TGFA: variants seen among roughly 807,000 people sequenced by gnomAD.
The protein encoded by TGFA is protransforming growth factor alpha.
A neutral mutation model predicts 21.7 loss-of-function variants in TGFA; 12 were observed. The ratio of observed to expected loss-of-function variants is 0.55; its 90% CI spans 0.35 to 0.90. The LOEUF is 0.90. Ranked by LOEUF, TGFA falls within the 40% of genes least tolerant of loss-of-function variation. TGFA has a pLI of 0.01. For missense variants in TGFA, 178 were observed against 210.8 expected, an observed-to-expected ratio of 0.84 and a Z score of 0.96; for synonymous variants, 79 against 88.1, an observed-to-expected ratio of 0.90 and a Z score of 0.58.
At chr2:70,532,934 C>T (rs1672857598) in intron 1 of TGFA, among the ~76,000 whole-genome samples, 1 of 151,622 alleles carries the variant, frequency 6.6e-6, no homozygotes, top group African/African-American at 2.4e-5. Context: ...AATCACTGCT[C>T]ACTGCAGCCT....
intron 2 of TGFA, among the ~76,000 whole-genome samples, chr2:70,466,983 A>G (rs1419150306): frequency 2.6e-5 from 4 of 152,028 alleles, no homozygotes; most frequent in African/African-American, 4.8e-5. Context: ...AGCTGAACAA[A>G]GAGAACACGT....
chr2:70,471,118 A>C (rs3771509), intron 2 of TGFA, among the ~76,000 whole-genome samples: 38,714 of 109,316 alleles, frequency 0.35, 5,722 homozygotes, highest in East Asian at 0.45. Flanking sequence ...CACCCCCCCC[A>C]CCATATAACC....
At chr2:70,498,977 A>C (rs1373113788) in intron 2 of TGFA, among the ~76,000 whole-genome samples, 4 of 152,036 alleles carry the variant, frequency 2.6e-5, no homozygotes, top group Non-Finnish European at 5.9e-5. Context: ...CAGGCCCTGT[A>C]AATTAGAATC....
chr2:70,517,747 G>C (rs976283113), intron 1 of TGFA, among the ~76,000 whole-genome samples: 1 of 152,232 alleles, frequency 6.6e-6, no homozygotes, highest in Non-Finnish European at 1.5e-5. Flanking sequence ...TGACACAGGT[G>C]TGTATTCAGC....
intron 2 of TGFA, among the ~76,000 whole-genome samples, chr2:70,486,529 G>A (rs1276599810): frequency 6.6e-6 from 1 of 152,098 alleles, no homozygotes; most frequent in Non-Finnish European, 1.5e-5. Flanking sequence ...TCAGGCTGGA[G>A]TGCAGTGAGG....
intron 2 of TGFA, among the ~76,000 whole-genome samples, chr2:70,471,280 G>T (rs553276834): frequency 6.6e-6 from 1 of 152,322 alleles, no homozygotes; most frequent in African/African-American, 2.4e-5. Context: ...GCTTGTCACA[G>T]GTTTTCTGAT....
intron 2 of TGFA, among the ~76,000 whole-genome samples, chr2:70,508,392 C>T (rs1671995236): frequency 6.6e-6 from 1 of 152,152 alleles, no homozygotes; most frequent in South Asian, 2.1e-4. Context: ...TTGCAGTGAG[C>T]CAAGATTGCA....
At chr2:70,545,741 G>C (rs1034157524) in intron 1 of TGFA, among the ~76,000 whole-genome samples, 2 of 152,132 alleles carry the variant, frequency 1.3e-5, no homozygotes, top group Non-Finnish European at 2.9e-5. Context: ...AATGGGGAAA[G>C]ATGCATAGTT....
At chr2:70,535,252 A>G (rs1297488268) in intron 1 of TGFA, among the ~76,000 whole-genome samples, 6 of 152,150 alleles carry the variant, frequency 3.9e-5, no homozygotes, top group African/African-American at 1.4e-4. Flanking sequence ...CCATATTGTA[A>G]AAAACTGTGT....
chr2:70,456,294 G>A, intron 4 of TGFA, 45 bp downstream of exon 4: 2 of 1,523,372 alleles, frequency 1.3e-6, no homozygotes, highest in South Asian at 1.2e-5. Context: ...TCCCTGGTAG[G>A]GGAGGTGGGC....
intron 1 of TGFA, among the ~76,000 whole-genome samples, chr2:70,523,787 G>T (rs1477459433): frequency 2.0e-5 from 3 of 152,130 alleles, no homozygotes; most frequent in Non-Finnish European, 2.9e-5. Context: ...CCTACTTCAA[G>T]AGACAAATGA....
At chr2:70,547,909 G>A (rs1165940822) in intron 1 of TGFA, among the ~76,000 whole-genome samples, 3 of 149,724 alleles carry the variant, frequency 2.0e-5, no homozygotes, top group Admixed American at 1.3e-4. Flanking sequence ...ATAAAGAATA[G>A]ATCCATCAGG....
intron 1 of TGFA, among the ~76,000 whole-genome samples, chr2:70,526,035 C>G (rs1444047898): frequency 1.3e-5 from 2 of 152,066 alleles, no homozygotes; most frequent in African/African-American, 4.8e-5. Context: ...GCAGATGTAC[C>G]CAAAACTCAG....
intron 2 of TGFA, among the ~76,000 whole-genome samples, chr2:70,486,053 C>A (rs1451224232): frequency 6.6e-6 from 1 of 152,122 alleles, no homozygotes; most frequent in African/African-American, 2.4e-5. Flanking sequence ...ATTACAGTGC[C>A]CTGAACATAT....
chr2:70,486,667 G>T (rs1305124878), intron 2 of TGFA, among the ~76,000 whole-genome samples: 3 of 151,972 alleles, frequency 2.0e-5, no homozygotes, highest in Admixed American at 2.0e-4. Context: ...TTTGCATGTT[G>T]CCTAGACTGG....
At chr2:70,539,564 C>T (rs940413385) in intron 1 of TGFA, among the ~76,000 whole-genome samples, 2 of 152,200 alleles carry the variant, frequency 1.3e-5, no homozygotes, top group African/African-American at 2.4e-5. Flanking sequence ...AAGCGATTCT[C>T]CTGTCTCAGC....
At chr2:70,507,174 A>AGCCTCGGC (rs1387734402) in intron 2 of TGFA, among the ~76,000 whole-genome samples, 1 of 152,348 alleles carries the variant, frequency 6.6e-6, no homozygotes, top group East Asian at 1.9e-4. Context: ...TGAGCCTCGG[A>AGCCTCGGC]GCCTCGGCAG....
chr2:70,518,070 A>G (rs1346476673), intron 1 of TGFA, among the ~76,000 whole-genome samples: 3 of 152,238 alleles, frequency 2.0e-5, no homozygotes, highest in Non-Finnish European at 4.4e-5. Context: ...AGCCACAGGC[A>G]CCGCAGCCAC....
At chr2:70,532,967 C>T (rs544557745) in intron 1 of TGFA, among the ~76,000 whole-genome samples, 99 of 151,676 alleles carry the variant, frequency 6.5e-4, no homozygotes, top group African/African-American at 2.3e-3. Context: ...GCTCAGGTGA[C>T]TCTCTCACCT....
Sources: gnomAD v4.1 joint callset for allele counts (sites outside exome capture counted in the v4.1 genomes callset) on GRCh38, gnomAD v4.1.1 for gene constraint, MANE v1.5 for transcripts, NCBI Gene and HGNC (gene_info 2026-07-23, HGNC 2026-07-21) for gene names.